The following PDE4DIP variants were observed in gnomAD, a reference collection of about 807,000 sequenced individuals.
PDE4DIP encodes the protein phosphodiesterase 4D interacting protein.
Under a neutral mutation model 221.4 loss-of-function variants are expected in PDE4DIP, and 59 were observed. The ratio of observed to expected loss-of-function variants is 0.27; its 90% CI spans 0.22 to 0.33. PDE4DIP has a LOEUF of 0.33. PDE4DIP is among the 10% of genes least tolerant of loss of function. The pLI is 1.00. For missense variants in PDE4DIP, 1,036 were observed against 2,154.2 expected, an observed-to-expected ratio of 0.48 and a Z score of 10.28; for synonymous variants, 404 against 815.9, an observed-to-expected ratio of 0.50 and a Z score of 8.60.
At chr1:148,938,067 T>C (rs1553476582) in intron 5 of PDE4DIP, 15 of 467,050 alleles carry the variant, frequency 3.2e-5, no homozygotes, top group Non-Finnish European at 4.7e-5. Context: ...GTTTGGAGTC[T>C]CATAAGTGTG....
At chr1:149,011,109 C>A (rs1160342644) in intron 31 of PDE4DIP, among the ~76,000 whole-genome samples, 1 of 152,068 alleles carries the variant, frequency 6.6e-6, no homozygotes, top group Non-Finnish European at 1.5e-5. Flanking sequence ...TTGATATGTA[C>A]ATAGTGCATA....
At chr1:148,952,404 G>T in intron 5 of PDE4DIP, 1 of 1,083,528 alleles carries the variant, frequency 9.2e-7, no homozygotes, top group Non-Finnish European at 1.1e-6. Flanking sequence ...TTGCGTCTGC[G>T]CGGCCGGCCG....
At chr1:148,990,404 T>C in intron 21 of PDE4DIP, 5 of 958,036 alleles carry the variant, frequency 5.2e-6, no homozygotes, top group Non-Finnish European at 6.2e-6. Context: ...AAGCCCCTTA[T>C]CTGTATTGGG....
At chr1:148,955,114 C>T (rs2151438940) in intron 5 of PDE4DIP, among the ~76,000 whole-genome samples, 1 of 152,080 alleles carries the variant, frequency 6.6e-6, no homozygotes, top group East Asian at 1.9e-4. Context: ...GGTAAAAAGT[C>T]AGTGCATTTT....
At chr1:148,997,521 A>G (rs868995184) in intron 22 of PDE4DIP, among the ~76,000 whole-genome samples, 1 of 152,228 alleles carries the variant, frequency 6.6e-6, no homozygotes, top group African/African-American at 2.4e-5. Flanking sequence ...TCCATCTCCC[A>G]GTAGCTGCGG....
Position 148,893,201 on chromosome 1 carries a change from C to T in PDE4DIP, c.141+3307C>T, listed in dbSNP as rs1190789491. On this transcript the variant is annotated intron_variant, in intron 1 of 43. Coordinates refer to ENST00000369354, the Ensembl canonical transcript of PDE4DIP. Reference sequence around the variant, plus strand: ...TCCTGGGCTCAAGTGATCTTCCCACCTTGGCCTCCTAAATTGCTGGGATTA... The same window carrying T: ...TCCTGGGCTCAAGTGATCTTCCCACTTTGGCCTCCTAAATTGCTGGGATTA... Among the ~76,000 whole-genome samples the T allele has an allele frequency of 7.5e-4, 108 of 143,484 alleles. 1 individual carries two copies. The highest frequency in any genetic ancestry group is 1.2e-3 in the Non-Finnish European group (82 of 66,172). The allele number at this position is 143,484 out of a possible 152,430, so 94.1% of individuals were successfully genotyped here. A position where few individuals can be genotyped will look rare whatever the true frequency, so the allele number is the denominator to read the frequency against.
chr1:148,929,206 C>G, exon 2 of PDE4DIP: 1 of 1,613,668 alleles, frequency 6.2e-7, no homozygotes, highest in Non-Finnish European at 8.5e-7. Context: ...GAACATTGAG[C>G]TGAAGGTTGA....
At chr1:149,030,420 C>T in intron 43 of PDE4DIP, 142 bp downstream of exon 46, 2 of 1,495,520 alleles carry the variant, frequency 1.3e-6, no homozygotes, top group South Asian at 2.7e-5. Flanking sequence ...ATCACAGGTC[C>T]TCAGTGAGCA....
intron 37 of PDE4DIP, among the ~76,000 whole-genome samples, chr1:149,023,225 A>G (rs2073687345): frequency 6.6e-6 from 1 of 152,162 alleles, no homozygotes; most frequent in Non-Finnish European, 1.5e-5. Context: ...TCATTTAGTG[A>G]CAAAATCTAG....
chr1:148,944,726 C>T (rs1274012236), intron 5 of PDE4DIP, among the ~76,000 whole-genome samples: 2 of 150,878 alleles, frequency 1.3e-5, no homozygotes, highest in Non-Finnish European at 3.0e-5. Flanking sequence ...CAAAAATTAG[C>T]CAGGTGTGGT....
intron 40 of PDE4DIP, 57 bp from the exon 44 acceptor site, chr1:149,028,503 G>C (rs1373052272): frequency 1.3e-6 from 2 of 1,539,890 alleles, no homozygotes; most frequent in African/African-American, 2.7e-5. Context: ...GGAAGCTTGA[G>C]CCCATGCAGG....
chr1:148,977,584 G>GCTAT (rs1351065073), intron 17 of PDE4DIP, among the ~76,000 whole-genome samples: 4 of 150,302 alleles, frequency 2.7e-5, no homozygotes, highest in Admixed American at 6.6e-5. Flanking sequence ...ATATCCTAAT[G>GCTAT]CTATCATTTT....
chr1:148,819,916 C>CT (rs10699564), intron 1 of PDE4DIP, among the ~76,000 whole-genome samples: 1,509 of 34,812 alleles, frequency 0.043, 518 homozygotes, highest in African/African-American at 0.095. Context: ...CTGTTTATAT[C>CT]TTTTTTTTTT....
At chr1:148,925,702 G>A (rs1213320698) in intron 1 of PDE4DIP, among the ~76,000 whole-genome samples, 1 of 151,672 alleles carries the variant, frequency 6.6e-6, no homozygotes, top group Non-Finnish European at 1.5e-5. Flanking sequence ...GCACAGCTGT[G>A]TGCAAGGCAT....
intron 5 of PDE4DIP, among the ~76,000 whole-genome samples, chr1:148,944,788 T>C (rs2051249341): frequency 1.3e-5 from 2 of 152,110 alleles, no homozygotes; most frequent in Admixed American, 6.6e-5. Context: ...GGAGAATTGC[T>C]TGAACCCGGG....
chr1:148,929,822 G>C (rs1573617020), intron 2 of PDE4DIP: 1 of 152,698 alleles, frequency 6.5e-6, no homozygotes, highest in African/African-American at 2.4e-5. Context: ...GATGTTTATT[G>C]CATCATTAGT....
intron 23 of PDE4DIP, among the ~76,000 whole-genome samples, chr1:149,000,330 G>A (rs1396894704): frequency 6.6e-5 from 10 of 152,148 alleles, no homozygotes; most frequent in Admixed American, 4.6e-4. Flanking sequence ...CAAGGCAGGC[G>A]GATCACCTGA....
intron 5 of PDE4DIP, among the ~76,000 whole-genome samples, chr1:148,948,624 CAAATT>C (rs2052383455): frequency 6.6e-6 from 1 of 152,022 alleles, no homozygotes; most frequent in Non-Finnish European, 1.5e-5. Context: ...AGAAATCCCT[CAAATT>C]AAAATTTTGA....
upstream of PDE4DIP, among the ~76,000 whole-genome samples, chr1:148,884,939 A>C (rs1178872575): frequency 2.0e-5 from 3 of 148,336 alleles, no homozygotes; most frequent in African/African-American, 7.4e-5. Context: ...TTTTTATCCT[A>C]AAACATCTAC....
Sources: gnomAD v4.1 joint callset for allele counts (sites outside exome capture counted in the v4.1 genomes callset) on GRCh38, gnomAD v4.1.1 for gene constraint, MANE v1.5 for transcripts, NCBI Gene and HGNC (gene_info 2026-07-23, HGNC 2026-07-21) for gene names.